The following DTNB variants were observed in gnomAD, a reference collection of about 807,000 sequenced individuals.
DTNB encodes dystrobrevin beta, also known as DTN-B.
In DTNB, 63 loss-of-function variants were observed where a neutral mutation model predicts 90.7. That is an observed-to-expected ratio of 0.69 (90% CI 0.57 to 0.86). The LOEUF (loss-of-function observed/expected upper bound fraction) is 0.86, where lower values mean the gene tolerates loss of function less well. Among genes scored for constraint, DTNB ranks in the 40% least tolerant of loss-of-function variants. The pLI, the probability that DTNB is intolerant of heterozygous loss-of-function variation, is 0.00. For missense variants in DTNB, 744 were observed against 807.1 expected, an observed-to-expected ratio of 0.92 and a Z score of 0.95; for synonymous variants, 277 against 286.7, an observed-to-expected ratio of 0.97 and a Z score of 0.34.
intron 8 of DTNB, among the ~76,000 whole-genome samples, chr2:25,536,515 A>T (rs1400729935): frequency 6.6e-6 from 1 of 152,196 alleles, no homozygotes; most frequent in African/African-American, 2.4e-5. Flanking sequence ...CAGCCCGGTC[A>T]ACACGGCGAA....
At position 25,640,506 on chromosome 2, in the gene DTNB, T is replaced by C. The variant is rs186626617; in HGVS notation, c.68-1412A>G. Among the ~76,000 whole-genome samples, 3 of 152,326 alleles carry C rather than the reference T, an allele frequency of 2.0e-5. No individual in the cohort carries two copies. The East Asian group carries it at 5.8e-4, about 29-fold the overall frequency. ...ATCAACCTTCCTCCTGATGTCATGA[T>C]TAAAATTATTTCCTCAGGGGATACC... On this transcript the variant is annotated intron_variant, in intron 2 of 20. Coordinates refer to ENST00000406818, the MANE Select transcript of DTNB (RefSeq NM_021907.5).
chr2:25,512,283 GCATA>G (rs2074109825), intron 9 of DTNB, among the ~76,000 whole-genome samples: 1 of 152,178 alleles, frequency 6.6e-6, no homozygotes, highest in Admixed American at 6.5e-5. Context: ...ACCAGCAAAA[GCATA>G]CCAAATCAAC....
chr2:25,634,295 GC>G (rs1573785785), intron 3 of DTNB, among the ~76,000 whole-genome samples: 2 of 126,656 alleles, frequency 1.6e-5, no homozygotes, highest in Non-Finnish European at 3.5e-5. Context: ...GGGGGGGTCA[GC>G]CCCCCGCCCG....
At chr2:25,384,355 A>G (rs1573639505) in intron 18 of DTNB, among the ~76,000 whole-genome samples, 1 of 152,230 alleles carries the variant, frequency 6.6e-6, no homozygotes, top group East Asian at 1.9e-4. Context: ...ATGACCGCAC[A>G]GTGCAAAGTG....
At chr2:25,380,534 ATT>A (rs1162954872) in intron 19 of DTNB, among the ~76,000 whole-genome samples, 1 of 152,258 alleles carries the variant, frequency 6.6e-6, no homozygotes, top group African/African-American at 2.4e-5. Context: ...ATACGTAAAA[ATT>A]CAGGCATTCC....
At position 25,610,548 on chromosome 2, in the gene DTNB, G is replaced by A. The variant is rs577740443; in HGVS notation, c.363-3227C>T. 2.6e-5 allele frequency among the ~76,000 whole-genome samples: 4 copies of A among 152,154 alleles called. No individual in the cohort carries two copies. The South Asian group carries it at 8.3e-4, about 32-fold the overall frequency. ...ATAGAAAAGTGCATAATTCATGAAT[G>A]AACTTTCACAAAATGTTCCCTCATG... On this transcript the variant is annotated intron_variant, in intron 4 of 20. Transcript: ENST00000406818.
chr2:25,448,279 C>T (rs1553398999), intron 12 of DTNB, among the ~76,000 whole-genome samples: 1 of 152,134 alleles, frequency 6.6e-6, no homozygotes, highest in Non-Finnish European at 1.5e-5. Context: ...CCATAGTATC[C>T]AATCTGGCAC....
intron 18 of DTNB, among the ~76,000 whole-genome samples, chr2:25,385,376 A>G (rs1387462579): frequency 1.3e-5 from 2 of 152,222 alleles, no homozygotes; most frequent in Non-Finnish European, 2.9e-5. Flanking sequence ...TGATGGGTGA[A>G]GCTATTCCAT....
intron 8 of DTNB, among the ~76,000 whole-genome samples, chr2:25,564,984 TTTA>T (rs1319981183): frequency 9.8e-5 from 15 of 152,340 alleles, no homozygotes; most frequent in African/African-American, 3.4e-4. Flanking sequence ...ACTTGGTAAA[TTTA>T]TTATCTATAA....
chr2:25,452,736 T>G (rs893178465), intron 11 of DTNB, among the ~76,000 whole-genome samples: 1 of 151,866 alleles, frequency 6.6e-6, no homozygotes, highest in South Asian at 2.1e-4. Flanking sequence ...ATATTTTTTC[T>G]AGTTTTTTTT....
At chr2:25,476,248 T>C (rs1293708286) in intron 10 of DTNB, among the ~76,000 whole-genome samples, 1 of 152,084 alleles carries the variant, frequency 6.6e-6, no homozygotes, top group Non-Finnish European at 1.5e-5. Context: ...TTTGTAGTTT[T>C]AGTAGAGGCA....
intron 6 of DTNB, among the ~76,000 whole-genome samples, chr2:25,584,458 T>G (rs778460366): frequency 2.2e-4 from 33 of 152,236 alleles, no homozygotes; most frequent in Non-Finnish European, 3.8e-4. Flanking sequence ...ATTAAATTTT[T>G]GTTTTGAAAT....
At chr2:25,436,682 G>A (rs1313139436) in intron 12 of DTNB, among the ~76,000 whole-genome samples, 3 of 152,056 alleles carry the variant, frequency 2.0e-5, no homozygotes, top group Non-Finnish European at 2.9e-5. Flanking sequence ...GAGAAGCATG[G>A]ACTGGCAGCC....
intron 4 of DTNB, among the ~76,000 whole-genome samples, chr2:25,614,270 C>T (rs570482688): frequency 6.6e-6 from 1 of 152,190 alleles, no homozygotes; most frequent in Admixed American, 6.5e-5. Flanking sequence ...AGATTAAGAA[C>T]AAATCAAGAG....
At chr2:25,464,379 GACCCA>G (rs1004179607) in intron 10 of DTNB, among the ~76,000 whole-genome samples, 2 of 152,158 alleles carry the variant, frequency 1.3e-5, no homozygotes, top group African/African-American at 4.8e-5. Context: ...AGGGACACAG[GACCCA>G]ACCAGAAAGA....
At chr2:25,660,342 T>C (rs1427543272) in intron 1 of DTNB, among the ~76,000 whole-genome samples, 1 of 150,300 alleles carries the variant, frequency 6.7e-6, no homozygotes, top group Non-Finnish European at 1.5e-5. Flanking sequence ...CCATGTATTA[T>C]ATGATTCCAG....
chr2:25,504,681 C>G (rs1456347750), intron 9 of DTNB, among the ~76,000 whole-genome samples: 3 of 152,076 alleles, frequency 2.0e-5, no homozygotes, highest in Non-Finnish European at 2.9e-5. Context: ...AAGTGTGAAG[C>G]TTGTATACTG....
chr2:25,386,094 T>A, intron 18 of DTNB: 3 of 985,426 alleles, frequency 3.0e-6, no homozygotes, highest in Non-Finnish European at 3.6e-6. Flanking sequence ...GTGCTTCTGA[T>A]GGGGGTTGAG....
chr2:25,396,609 G>A (rs549363810), intron 16 of DTNB, among the ~76,000 whole-genome samples: 97 of 151,620 alleles, frequency 6.4e-4, no homozygotes, highest in South Asian at 2.1e-3. Flanking sequence ...TGGGTACAGT[G>A]TACACTGCTT....
Sources: gnomAD v4.1 joint callset for allele counts (sites outside exome capture counted in the v4.1 genomes callset) on GRCh38, gnomAD v4.1.1 for gene constraint, MANE v1.5 for transcripts, NCBI Gene and HGNC (gene_info 2026-07-23, HGNC 2026-07-21) for gene names.